The following RORA variants were observed in gnomAD, a reference collection of about 807,000 sequenced individuals.
The protein encoded by RORA is nuclear receptor ROR-alpha.
RORA carries 7 observed loss-of-function variants against 69.5 expected under a neutral mutation model. The ratio of observed to expected loss-of-function variants is 0.10; its 90% CI spans 0.06 to 0.19. The LOEUF is 0.19. RORA is among the 10% of genes least tolerant of loss of function. The pLI, the probability that RORA is intolerant of heterozygous loss-of-function variation, is 1.00. For missense variants in RORA, 457 were observed against 663.0 expected (o/e 0.69, Z 3.41); for synonymous variants, 261 against 240.8 (o/e 1.08, Z -0.78).
chr15:61,164,077 A>AGTGT (rs1479488819), intron 1 of RORA, among the ~76,000 whole-genome samples: 1 of 151,828 alleles, frequency 6.6e-6, no homozygotes, highest in Non-Finnish European at 1.5e-5. Flanking sequence ...CTCTCAAGAG[A>AGTGT]GTGTAGGTGT....
chr15:61,154,740 G>A (rs2079427760), intron 1 of RORA, among the ~76,000 whole-genome samples: 1 of 152,168 alleles, frequency 6.6e-6, no homozygotes, highest in Non-Finnish European at 1.5e-5. Context: ...CTTAGAGCTA[G>A]GGTACCCATT....
Position 60,715,510 on chromosome 15 carries a change from C to G in RORA, c.167-36824G>C, listed in dbSNP as rs73426289. On this transcript the variant is annotated intron_variant, in intron 1 of 10. Transcript: ENST00000335670. ...GATTGTCTAAGGAGAATAGAAGAAG[C>G]CTGGACAAACAAAGCTATGAAAACC... Among the ~76,000 whole-genome samples, 32 of 152,260 alleles carry G rather than the reference C, an allele frequency of 2.1e-4. 1 individual carries two copies. Among genetic ancestry groups the G allele is most frequent in the African/African-American group, 7.2e-4 (30 of 41,544 alleles).
At chr15:60,802,516 A>T (rs2072599370) in intron 1 of RORA, among the ~76,000 whole-genome samples, 1 of 152,228 alleles carries the variant, frequency 6.6e-6, no homozygotes, top group Non-Finnish European at 1.5e-5. Context: ...AAATAGCTCA[A>T]GTATCTGGCT....
chr15:60,774,956 T>C (rs902677485), intron 1 of RORA, among the ~76,000 whole-genome samples: 2 of 152,238 alleles, frequency 1.3e-5, no homozygotes, highest in Admixed American at 6.5e-5. Context: ...TCAACTTCCT[T>C]TGTGACTGAT....
chr15:60,902,811 G>A (rs1439053063), intron 1 of RORA, among the ~76,000 whole-genome samples: 2 of 152,030 alleles, frequency 1.3e-5, no homozygotes, highest in African/African-American at 2.4e-5. Flanking sequence ...CAGCTCTCAC[G>A]AGCTGACTCT....
intron 1 of RORA, among the ~76,000 whole-genome samples, chr15:60,837,900 G>A (rs987676602): frequency 6.6e-6 from 1 of 152,220 alleles, no homozygotes; most frequent in African/African-American, 2.4e-5. Context: ...CAGCCTGAAG[G>A]ACAAGAGCTG....
intron 1 of RORA, among the ~76,000 whole-genome samples, chr15:60,996,781 G>A (rs1340491319): frequency 2.0e-5 from 3 of 151,988 alleles, no homozygotes; most frequent in African/African-American, 7.3e-5. Flanking sequence ...GTGGTGGCAG[G>A]CGCCTGTAGT....
At chr15:60,975,077 A>G (rs1038565857) in intron 1 of RORA, among the ~76,000 whole-genome samples, 1 of 152,152 alleles carries the variant, frequency 6.6e-6, no homozygotes, top group Non-Finnish European at 1.5e-5. Context: ...GGCTACTGGG[A>G]TTTCAACAAG....
At chr15:60,959,285 C>T (rs948528592) in intron 1 of RORA, among the ~76,000 whole-genome samples, 9 of 152,110 alleles carry the variant, frequency 5.9e-5, no homozygotes, top group Non-Finnish European at 1.0e-4. Context: ...ACAAAATATA[C>T]ATTAAAAAAT....
intron 1 of RORA, among the ~76,000 whole-genome samples, chr15:60,806,795 C>G (rs966734356): frequency 6.6e-6 from 1 of 152,110 alleles, no homozygotes; most frequent in Admixed American, 6.5e-5. Context: ...TTTGGAACAC[C>G]TTTTATGGAC....
chr15:61,193,007 T>A (rs1276083928), intron 1 of RORA, among the ~76,000 whole-genome samples: 1 of 152,166 alleles, frequency 6.6e-6, no homozygotes, highest in Non-Finnish European at 1.5e-5. Flanking sequence ...CGACTCTCTG[T>A]TATCAAGTGA....
chr15:61,119,374 T>A lies in RORA; in HGVS notation c.166+109679A>T, dbSNP rs556471389. On this transcript the variant is annotated intron_variant, in intron 1 of 10. Transcript: ENST00000335670. The stretch of plus-strand genomic sequence containing the variant: ...CACCGTGCCTGCCTAAGGTTTTAAA[T>A]TTTTTTTTGTATATGTATATATATA... Among the ~76,000 whole-genome samples the A allele has an allele frequency of 9.6e-5, 11 of 115,066 alleles. No homozygotes were observed. The South Asian group carries it at 2.3e-3, about 24-fold the overall frequency. The allele number at this position is 115,066 out of a possible 152,430, so 75.5% of individuals were successfully genotyped here.
chr15:60,968,391 T>C (rs755448905), intron 1 of RORA, among the ~76,000 whole-genome samples: 2 of 152,204 alleles, frequency 1.3e-5, no homozygotes, highest in African/African-American at 4.8e-5. Context: ...TCAGGAAATC[T>C]GGGGTGGGGC....
chr15:60,858,299 T>C (rs2073401756), intron 1 of RORA, among the ~76,000 whole-genome samples: 1 of 152,204 alleles, frequency 6.6e-6, no homozygotes. Context: ...GTGAGAGCTG[T>C]GTACACTTCT....
At chr15:60,607,687 A>G (rs980347527) in intron 2 of RORA, among the ~76,000 whole-genome samples, 1 of 152,176 alleles carries the variant, frequency 6.6e-6, no homozygotes, top group African/African-American at 2.4e-5. Context: ...TTAAAGCTAG[A>G]ATGTTTTTGT....
intron 1 of RORA, among the ~76,000 whole-genome samples, chr15:61,009,551 C>T (rs1895024988): frequency 6.6e-6 from 1 of 152,312 alleles, no homozygotes; most frequent in East Asian, 1.9e-4. Flanking sequence ...CAAGACTAAT[C>T]TTTAATTTTA....
At chr15:60,620,148 C>T (rs2069366278) in intron 2 of RORA, among the ~76,000 whole-genome samples, 1 of 152,198 alleles carries the variant, frequency 6.6e-6, no homozygotes, top group Admixed American at 6.5e-5. Flanking sequence ...TCTTTGGAGT[C>T]CCAGGATATC....
chr15:60,965,732 C>G (rs1210717463), intron 1 of RORA, among the ~76,000 whole-genome samples: 6 of 152,154 alleles, frequency 3.9e-5, no homozygotes, highest in Admixed American at 2.6e-4. Flanking sequence ...CGCTATTTTT[C>G]TCCCCAAGCA....
At chr15:61,199,098 C>A (rs756619209) in intron 1 of RORA, among the ~76,000 whole-genome samples, 1 of 152,170 alleles carries the variant, frequency 6.6e-6, no homozygotes, top group South Asian at 2.1e-4. Flanking sequence ...AATTATCAGA[C>A]AAAGAAAAGT....
Sources: gnomAD v4.1 joint callset for allele counts (sites outside exome capture counted in the v4.1 genomes callset) on GRCh38, gnomAD v4.1.1 for gene constraint, MANE v1.5 for transcripts, NCBI Gene and HGNC (gene_info 2026-07-23, HGNC 2026-07-21) for gene names.